Variants in AMTN observed in about 807,000 individuals in gnomAD.
The protein encoded by AMTN is amelotin.
A neutral mutation model predicts 27.4 loss-of-function variants in AMTN; 29 were observed. That is an observed-to-expected ratio of 1.06 (90% confidence interval 0.79 to 1.44). The LOEUF is 1.44. Ranked by LOEUF, AMTN falls within the 40% of genes most tolerant of loss-of-function variation. The pLI is 0.00. For synonymous variants in AMTN, 86 were observed against 95.7 expected (o/e 0.90, Z 0.59); for missense variants, 247 against 248.8 (o/e 0.99, Z 0.05).
At chr4:70,527,612 T>C (rs1383759317) in intron 5 of AMTN, among the ~76,000 whole-genome samples, 1 of 152,210 alleles carries the variant, frequency 6.6e-6, no homozygotes, top group East Asian at 1.9e-4. Context: ...GCACCAACTG[T>C]CTTGGGAAAC....
chr4:70,531,539 G>A (rs574979570), intron 8 of AMTN, among the ~76,000 whole-genome samples: 1 of 152,140 alleles, frequency 6.6e-6, no homozygotes, highest in African/African-American at 2.4e-5. Flanking sequence ...TTGAGACAGG[G>A]TCTTGCTCTG....
At chr4:70,526,965 C>T (rs1736111143) in intron 5 of AMTN, among the ~76,000 whole-genome samples, 2 of 152,186 alleles carry the variant, frequency 1.3e-5, no homozygotes, top group African/African-American at 2.4e-5. Context: ...TCTGCCACAA[C>T]CTGGACACCT....
intron 2 of AMTN, among the ~76,000 whole-genome samples, chr4:70,520,212 T>C (rs1283688057): frequency 2.0e-5 from 3 of 152,140 alleles, no homozygotes; most frequent in East Asian, 3.8e-4. Flanking sequence ...AGATTGCTAA[T>C]AGACAATGAG....
At chr4:70,523,060 T>C (rs1736016370) in intron 3 of AMTN, among the ~76,000 whole-genome samples, 1 of 152,212 alleles carries the variant, frequency 6.6e-6, no homozygotes, top group Admixed American at 6.5e-5. Flanking sequence ...GTACTCTAAT[T>C]CTTTTTCCTT....
rs1421076370 is a variant in AMTN at position 70,523,725 on chromosome 4, AG to A, written c.139-141del. 1.5e-5 allele frequency: 10 copies of A among 674,844 alleles called. No homozygotes were observed. The African/African-American group carries it at 1.8e-4, about 12-fold the overall frequency. The allele number at this position is 674,844 out of a possible 1,614,324, so 41.8% of individuals were successfully genotyped here. ...CCACAAAGGGAGCAATGCTAGTGAG[AG>A]GCCCCGAGGCTTCATCTTTATTTAC... is the stretch of plus-strand genomic sequence containing the variant. On this transcript the variant is annotated intron_variant, in intron 3 of 8. Coordinates refer to ENST00000339336, the MANE Select transcript of AMTN (RefSeq NM_212557.4).
intron 7 of AMTN, among the ~76,000 whole-genome samples, chr4:70,530,289 C>T (rs1314551668): frequency 6.6e-6 from 1 of 152,008 alleles, no homozygotes; most frequent in African/African-American, 2.4e-5. Context: ...GAATGCACTA[C>T]TAGTCTACTG....
intron 2 of AMTN, among the ~76,000 whole-genome samples, chr4:70,519,942 G>T (rs1735917208): frequency 1.3e-5 from 2 of 151,924 alleles, no homozygotes; most frequent in South Asian, 4.1e-4. Flanking sequence ...GTCTGTGTGT[G>T]TGTGTCCTCC....
chr4:70,530,602 A>G (rs1427060209), intron 7 of AMTN, among the ~76,000 whole-genome samples: 2 of 152,208 alleles, frequency 1.3e-5, no homozygotes, highest in Non-Finnish European at 2.9e-5. Flanking sequence ...TTCTTTATGT[A>G]TCTTCAAGGA....
At chr4:70,524,020 G>A in intron 4 of AMTN, 87 bp downstream of exon 4, 1 of 1,072,232 alleles carries the variant, frequency 9.3e-7, no homozygotes, top group South Asian at 1.4e-5. Context: ...GTATATGGGT[G>A]CGTATATCCA....
intron 5 of AMTN, among the ~76,000 whole-genome samples, chr4:70,526,889 G>C (rs1736109408): frequency 6.6e-6 from 1 of 152,134 alleles, no homozygotes. Context: ...TCCCATACCT[G>C]ACCTTCCCCT....
At chr4:70,521,648 T>C (rs1356737940) in intron 2 of AMTN, among the ~76,000 whole-genome samples, 6,867 of 38,920 alleles carry the variant, frequency 0.18, 674 homozygotes, top group Non-Finnish European at 0.21. Context: ...CTCTTTTTTT[T>C]TTTTTTTTTT....
intron 5 of AMTN, among the ~76,000 whole-genome samples, chr4:70,527,300 TA>T (rs1341115859): frequency 6.6e-6 from 1 of 152,272 alleles, no homozygotes; most frequent in African/African-American, 2.4e-5. Flanking sequence ...TTTATTGTTA[TA>T]TTGGTGAACA....
chr4:70,526,066 G>T (rs1257186575), intron 5 of AMTN, among the ~76,000 whole-genome samples: 1 of 152,002 alleles, frequency 6.6e-6, no homozygotes, highest in African/African-American at 2.4e-5. Context: ...TATTGTGTAA[G>T]TAATATATGT....
intron 3 of AMTN, among the ~76,000 whole-genome samples, chr4:70,523,424 C>A (rs1485505848): frequency 6.6e-6 from 1 of 152,164 alleles, no homozygotes; most frequent in East Asian, 1.9e-4. Flanking sequence ...CCTACTTCTA[C>A]ATTTTGTGAA....
chr4:70,522,545 C>A (rs3852096), intron 2 of AMTN, among the ~76,000 whole-genome samples: 67,694 of 151,974 alleles, frequency 0.45, 15,866 homozygotes, highest in Admixed American at 0.52. Context: ...CAGCCCCCTT[C>A]CCTCCACACC....
At chr4:70,531,339 A>G (rs748869688) in intron 8 of AMTN, 39 bp downstream of exon 8, 18 of 1,608,574 alleles carry the variant, frequency 1.1e-5, no homozygotes, top group Non-Finnish European at 1.5e-5. Flanking sequence ...CTTGGCTATA[A>G]AAGTCATCTG....
intron 5 of AMTN, 79 bp from the exon 6 acceptor site, chr4:70,528,644 C>A: frequency 7.8e-7 from 1 of 1,287,898 alleles, no homozygotes; most frequent in Non-Finnish European, 1.1e-6. Context: ...AGCAAGACTC[C>A]ATCTCCAAAA....
chr4:70,521,652 T>C (rs1735971911), intron 2 of AMTN, among the ~76,000 whole-genome samples: 1 of 48,970 alleles, frequency 2.0e-5, no homozygotes, highest in African/African-American at 5.3e-5. Context: ...TTTTTTTTTT[T>C]TTTTTTTTTT....
Position 70,531,208 on chromosome 4 carries a change from G to T in AMTN, c.527G>T (p.Ser176Ile). ...CCAGCAGGCCGCCTCCCAACTCCCA[G>T]TGGCACAGATGACGACTTTGCAGTG... ...GTPAGRLPTP[S>I]GTDDDFAVTT... Residue 176 changes from serine (S) to isoleucine (I), a missense_variant, in exon 8 of 9, where the codon AGT becomes ATT. Transcript: ENST00000339336. 2 of 1,614,038 alleles carry T rather than the reference G, an allele frequency of 1.2e-6. No individual in the cohort carries two copies. The highest frequency in any genetic ancestry group is 1.7e-6 in the Non-Finnish European group (2 of 1,179,992).
Sources: allele counts gnomAD v4.1 joint callset (sites outside exome capture counted in the v4.1 genomes callset), GRCh38; gene constraint gnomAD v4.1.1; transcripts MANE v1.5; gene names NCBI Gene and HGNC (gene_info 2026-07-23, HGNC 2026-07-21).